ESRRG: variants seen among roughly 807,000 people sequenced by gnomAD.
ESRRG encodes estrogen related receptor gamma, also known as estrogen-related receptor gamma.
ESRRG carries 13 observed loss-of-function variants against 44.0 expected under a neutral mutation model. The ratio of observed to expected loss-of-function variants is 0.30; its 90% confidence interval spans 0.19 to 0.47. ESRRG has a LOEUF of 0.47. Ranked by LOEUF, ESRRG falls within the 20% of genes least tolerant of loss-of-function variation. The pLI is 1.00. For missense variants in ESRRG, 395 were observed against 580.6 expected (o/e 0.68, Z 3.29); for synonymous variants, 215 against 214.6 (o/e 1.00, Z -0.02).
intron 2 of ESRRG, among the ~76,000 whole-genome samples, chr1:216,810,846 A>G (rs1278659418): frequency 1.3e-5 from 2 of 150,242 alleles, no homozygotes; most frequent in African/African-American, 2.4e-5. Flanking sequence ...ATATGTGTGT[A>G]TATATGTACA....
At chr1:216,568,130 T>A in intron 3 of ESRRG, 32 bp from the exon 4 acceptor site, 1 of 1,463,784 alleles carries the variant, frequency 6.8e-7, no homozygotes. Flanking sequence ...GGCTTACTAT[T>A]AAGGTAGCTA....
At chr1:217,076,562 G>A (rs1392846706) in intron 1 of ESRRG, among the ~76,000 whole-genome samples, 1 of 152,166 alleles carries the variant, frequency 6.6e-6, no homozygotes, top group Non-Finnish European at 1.5e-5. Flanking sequence ...TGAAAACTCT[G>A]AAGTTAGGAC....
At chr1:217,077,427 C>G (rs1457033911) in intron 1 of ESRRG, among the ~76,000 whole-genome samples, 1 of 152,164 alleles carries the variant, frequency 6.6e-6, no homozygotes, top group Admixed American at 6.5e-5. Context: ...TCTGTGGTCT[C>G]CATCTGACAG....
At chr1:216,960,526 C>T (rs971301103) in intron 1 of ESRRG, among the ~76,000 whole-genome samples, 2 of 152,032 alleles carry the variant, frequency 1.3e-5, no homozygotes, top group Non-Finnish European at 2.9e-5. Context: ...CTATAGTCCT[C>T]TCTGGTTGTT....
At chr1:216,791,918 C>T (rs1381975802) in intron 2 of ESRRG, among the ~76,000 whole-genome samples, 1 of 152,102 alleles carries the variant, frequency 6.6e-6, no homozygotes, top group East Asian at 1.9e-4. Flanking sequence ...CCAACCCTTC[C>T]TTTTTTTCTT....
intron 3 of ESRRG, among the ~76,000 whole-genome samples, chr1:216,636,171 T>C (rs945452): frequency 0.17 from 25,415 of 152,232 alleles, 2,381 homozygotes; most frequent in Middle Eastern, 0.26. Context: ...TAGCAAATTC[T>C]ATGATCTTAC....
chr1:216,845,091 T>C (rs574055646), intron 2 of ESRRG, among the ~76,000 whole-genome samples: 2 of 152,272 alleles, frequency 1.3e-5, no homozygotes, highest in African/African-American at 2.4e-5. Context: ...TATTTTTTAG[T>C]AAGACAACCA....
chr1:216,592,085 A>G (rs1573705867), intron 3 of ESRRG, among the ~76,000 whole-genome samples: 1 of 152,206 alleles, frequency 6.6e-6, no homozygotes, highest in Non-Finnish European at 1.5e-5. Context: ...CCTGCCAAAG[A>G]CACATAACCT....
chr1:217,103,330 T>G (rs2092544752), intron 1 of ESRRG, among the ~76,000 whole-genome samples: 2 of 152,020 alleles, frequency 1.3e-5, no homozygotes, highest in East Asian at 1.9e-4. Context: ...GAGTCTAGAC[T>G]TCCTGCTCAA....
At chr1:217,000,267 G>C (rs1321943409) in intron 1 of ESRRG, 1 of 152,198 alleles carries the variant, frequency 6.6e-6, no homozygotes, top group Non-Finnish European at 1.5e-5. Context: ...CTGGAGGCTA[G>C]AAGTCTGAAA....
intron 1 of ESRRG, among the ~76,000 whole-genome samples, chr1:217,034,427 G>A (rs372738921): frequency 6.6e-5 from 10 of 152,028 alleles, no homozygotes; most frequent in East Asian, 3.9e-4. Context: ...TTTGGTCCCC[G>A]ATGGTCTGTC....
At chr1:216,566,147 C>G (rs1039796926) in intron 4 of ESRRG, among the ~76,000 whole-genome samples, 2 of 152,064 alleles carry the variant, frequency 1.3e-5, no homozygotes, top group Non-Finnish European at 2.9e-5. Context: ...TAATGTTTCC[C>G]TAATTAGAAT....
chr1:217,041,613 CACA>C (rs1346899071), intron 1 of ESRRG, among the ~76,000 whole-genome samples: 1 of 152,198 alleles, frequency 6.6e-6, no homozygotes, highest in East Asian at 1.9e-4. Flanking sequence ...AATCAGTCAC[CACA>C]ACAAGCCCAG....
At chr1:216,810,780 T>C (rs1299061741) in intron 2 of ESRRG, among the ~76,000 whole-genome samples, 2 of 148,264 alleles carry the variant, frequency 1.3e-5, no homozygotes, top group Non-Finnish European at 3.0e-5. Flanking sequence ...TATATATACA[T>C]GTATATTTAA....
intron 1 of ESRRG, among the ~76,000 whole-genome samples, chr1:217,107,592 T>C (rs1309953871): frequency 6.6e-6 from 1 of 152,202 alleles, no homozygotes; most frequent in African/African-American, 2.4e-5. Flanking sequence ...ATATGAACAT[T>C]TCATTGTGGG....
chr1:216,836,977 C>A (rs2095575226), intron 2 of ESRRG, among the ~76,000 whole-genome samples: 1 of 152,056 alleles, frequency 6.6e-6, no homozygotes, highest in African/African-American at 2.4e-5. Context: ...ACACTCAGAG[C>A]AGAAACATAA....
At chr1:216,755,600 A>G (rs571136325) in intron 2 of ESRRG, among the ~76,000 whole-genome samples, 31 of 152,148 alleles carry the variant, frequency 2.0e-4, no homozygotes, top group African/African-American at 7.5e-4. Context: ...GTCCCCACAT[A>G]TAAGGAAAGA....
intron 2 of ESRRG, among the ~76,000 whole-genome samples, chr1:216,741,672 T>C (rs1204107848): frequency 6.6e-6 from 1 of 152,206 alleles, no homozygotes; most frequent in Non-Finnish European, 1.5e-5. Flanking sequence ...ACAGACTGGA[T>C]GTTATTGAAC....
At chr1:216,757,086 T>C (rs1484397055) in intron 2 of ESRRG, among the ~76,000 whole-genome samples, 1 of 152,068 alleles carries the variant, frequency 6.6e-6, no homozygotes, top group East Asian at 1.9e-4. Context: ...TGCAACTTTA[T>C]GCAATGCTTT....
Sources: gnomAD v4.1 joint callset for allele counts (sites outside exome capture counted in the v4.1 genomes callset) on GRCh38, gnomAD v4.1.1 for gene constraint, MANE v1.5 for transcripts, NCBI Gene and HGNC (gene_info 2026-07-23, HGNC 2026-07-21) for gene names.